The following TCF12 variants were observed in gnomAD, a reference collection of about 807,000 sequenced individuals.
The protein encoded by TCF12 is transcription factor 12, also known as DNA-binding protein HTF4.
In TCF12, 45 loss-of-function variants were observed where a neutral mutation model predicts 86.0. The ratio of observed to expected loss-of-function variants is 0.52; its 90% CI spans 0.41 to 0.67. The LOEUF (loss-of-function observed/expected upper bound fraction) is 0.67. TCF12 is among the 30% of genes least tolerant of loss of function. The pLI is 0.00. For missense variants in TCF12, 881 were observed against 859.9 expected (o/e 1.02, Z -0.31); for synonymous variants, 330 against 299.6 (o/e 1.10, Z -1.05).
intron 4 of TCF12, among the ~76,000 whole-genome samples, chr15:57,074,162 A>G (rs1296274929): frequency 6.6e-6 from 1 of 152,148 alleles, no homozygotes; most frequent in Non-Finnish European, 1.5e-5. Context: ...GTTTGCTTCT[A>G]GTTTTCACCA....
rs142121524 is a variant in TCF12 at position 56,995,804 on chromosome 15, C to T, written c.149-67946C>T. Among the ~76,000 whole-genome samples the T allele has an allele frequency of 2.6e-3, 393 of 152,204 alleles. 11 individuals are homozygous for T. Among genetic ancestry groups the T allele is most frequent in the Admixed American group, 0.024 (365 of 15,276 alleles). On this transcript the variant is annotated intron_variant, in intron 3 of 20. Transcript: ENST00000333725. ...TATTTCTTGCTGTTGCCTGATTGCT[C>T]TGGCTAGGACTTCCAGTACTACATT...
intron 3 of TCF12, among the ~76,000 whole-genome samples, chr15:57,056,400 C>T (rs2068033588): frequency 6.6e-6 from 1 of 152,102 alleles, no homozygotes; most frequent in Admixed American, 6.5e-5. Flanking sequence ...CCTCAGCCTC[C>T]CGTAGTGCTG....
chr15:57,043,618 G>T (rs2067036391), intron 3 of TCF12, among the ~76,000 whole-genome samples: 1 of 152,132 alleles, frequency 6.6e-6, no homozygotes. Flanking sequence ...CTTCTTCGGA[G>T]AAATTGGGTA....
chr15:57,008,336 A>C (rs548613208), intron 3 of TCF12, among the ~76,000 whole-genome samples: 1 of 151,822 alleles, frequency 6.6e-6, no homozygotes, highest in East Asian at 1.9e-4. Flanking sequence ...TTTGTGTTAT[A>C]TATGGTAACT....
At chr15:57,139,927 T>G (rs1179539243) in intron 5 of TCF12, among the ~76,000 whole-genome samples, 1 of 152,180 alleles carries the variant, frequency 6.6e-6, no homozygotes, top group Non-Finnish European at 1.5e-5. Context: ...GTATTAACAT[T>G]TGGAGTATAG....
chr15:57,180,625 A>G (rs1416465669), intron 6 of TCF12, among the ~76,000 whole-genome samples: 4 of 149,304 alleles, frequency 2.7e-5, no homozygotes, highest in Admixed American at 1.4e-4. Context: ...GGGGTGTAAG[A>G]TAGGCTTGAA....
chr15:57,076,638 C>T, intron 4 of TCF12, among the ~76,000 whole-genome samples: 1 of 118,852 alleles, frequency 8.4e-6, no homozygotes, highest in Non-Finnish European at 1.8e-5. Context: ...GGCTCTGTCT[C>T]AAAAAAAAAA....
At chr15:56,979,313 T>C (rs1022711538) in intron 3 of TCF12, among the ~76,000 whole-genome samples, 1 of 152,220 alleles carries the variant, frequency 6.6e-6, no homozygotes, top group Admixed American at 6.5e-5. Flanking sequence ...TTTAAATTAC[T>C]TTTCATCTTT....
chr15:57,272,501 A>C (rs1258153038), intron 18 of TCF12, among the ~76,000 whole-genome samples: 1 of 152,248 alleles, frequency 6.6e-6, no homozygotes, highest in African/African-American at 2.4e-5. Flanking sequence ...GGTAACCGCC[A>C]GAGTATATTT....
chr15:57,206,412 AAAAT>A (rs1274466677), intron 8 of TCF12, among the ~76,000 whole-genome samples: 2 of 152,166 alleles, frequency 1.3e-5, no homozygotes, highest in African/African-American at 4.8e-5. Context: ...TTTATTTATG[AAAAT>A]AAATAAAGCT....
intron 5 of TCF12, among the ~76,000 whole-genome samples, chr15:57,133,523 G>A (rs2052297359): frequency 1.3e-5 from 2 of 152,140 alleles, no homozygotes; most frequent in African/African-American, 4.8e-5. Context: ...GATAGACTGT[G>A]AAATGGTGTG....
intron 8 of TCF12, among the ~76,000 whole-genome samples, chr15:57,223,142 G>A (rs762202584): frequency 6.6e-6 from 1 of 151,940 alleles, no homozygotes; most frequent in Non-Finnish European, 1.5e-5. Context: ...TCATTTAGCT[G>A]TTACTAGCTC....
intron 3 of TCF12, among the ~76,000 whole-genome samples, chr15:56,944,418 T>A (rs2060907749): frequency 6.6e-6 from 1 of 152,200 alleles, no homozygotes; most frequent in South Asian, 2.1e-4. Context: ...GTGGGTTAGA[T>A]ATGTTGTCTT....
intron 19 of TCF12, among the ~76,000 whole-genome samples, chr15:57,279,475 A>G (rs1199414206): frequency 6.6e-6 from 1 of 152,186 alleles, no homozygotes; most frequent in Non-Finnish European, 1.5e-5. Context: ...TACTTAGCAC[A>G]CATTTGCCGT....
intron 5 of TCF12, among the ~76,000 whole-genome samples, chr15:57,136,252 C>T (rs547402455): frequency 6.6e-6 from 1 of 152,274 alleles, no homozygotes; most frequent in African/African-American, 2.4e-5. Context: ...TTTTGAGTAC[C>T]TAGGACATAC....
At chr15:57,086,935 G>C (rs891902446) in intron 4 of TCF12, among the ~76,000 whole-genome samples, 1 of 151,906 alleles carries the variant, frequency 6.6e-6, no homozygotes, top group African/African-American at 2.4e-5. Flanking sequence ...TTAGCCAAAA[G>C]AAAAAATTCT....
chr15:56,939,328 G>A (rs528750320), intron 3 of TCF12, among the ~76,000 whole-genome samples: 2 of 152,240 alleles, frequency 1.3e-5, no homozygotes, highest in East Asian at 3.9e-4. Flanking sequence ...GCTAAGGTCA[G>A]TATGGCAGCT....
chr15:57,171,275 A>C (rs2055477353), intron 6 of TCF12, among the ~76,000 whole-genome samples: 1 of 151,992 alleles, frequency 6.6e-6, no homozygotes. Context: ...TGAGCCCCAG[A>C]GAGGAAGCCC....
chr15:57,177,133 AG>A (rs1287764925), intron 6 of TCF12, among the ~76,000 whole-genome samples: 1 of 152,274 alleles, frequency 6.6e-6, no homozygotes, highest in African/African-American at 2.4e-5. Flanking sequence ...TCTAGGAAAG[AG>A]TATATAAGTA....
Sources: allele counts gnomAD v4.1 joint callset (sites outside exome capture counted in the v4.1 genomes callset), GRCh38; gene constraint gnomAD v4.1.1; transcripts MANE v1.5; gene names NCBI Gene and HGNC (gene_info 2026-07-23, HGNC 2026-07-21).